Variants in KEL observed in about 807,000 individuals in gnomAD.
KEL encodes the protein kell blood group glycoprotein.
KEL carries 96 observed loss-of-function variants against 99.5 expected under a neutral mutation model. The observed-to-expected ratio is 0.97, with a 90% confidence interval of 0.82 to 1.14. KEL has a LOEUF of 1.14. Ranked by LOEUF, KEL falls within the 50% of genes most tolerant of loss-of-function variation. The probability of loss-of-function intolerance (pLI) is 0.00; values close to 1 mark genes in which losing one functional copy is unlikely to be tolerated. For synonymous variants in KEL, 355 were observed against 354.8 expected, an observed-to-expected ratio of 1.00 and a Z score of -0.01; for missense variants, 926 against 924.2, an observed-to-expected ratio of 1.00 and a Z score of -0.03.
chr7:142,961,033 G>C lies in KEL; in HGVS notation c.295C>G (p.Pro99Ala), dbSNP rs1163206769. The change falls in exon 4 of 19, where the codon CCC becomes GCC. Residue 99 changes from proline to alanine, a missense_variant. Physicochemically the swap from Pro to Ala is conservative, Grantham distance 27. Transcript: ENST00000355265. ...GCAAAGCTGAAGAAGTCGGTGCAGG[G>C]GGCCACACTTGTGTTCCCAGAGGCC... ...YLASGNTSVA[P>A]CTDFFSFACG... is the part of the protein sequence containing the mutation. 2 of 1,614,072 alleles carry C rather than the reference G, an allele frequency of 1.2e-6. No individual in the cohort carries two copies. The highest frequency in any genetic ancestry group is 2.7e-5 in the African/African-American group (2 of 74,930).
At chr7:142,950,470 C>T (rs147712799) in intron 10 of KEL, among the ~76,000 whole-genome samples, 112 of 152,316 alleles carry the variant, frequency 7.4e-4, no homozygotes, top group Non-Finnish European at 1.1e-3. Context: ...AGCCAGCCTG[C>T]CTCCTGCCCT....
chr7:142,944,717 G>T lies in KEL; in HGVS notation c.1339C>A (p.Arg447=), dbSNP rs142604829. 1 of 1,614,010 alleles carries T rather than the reference G, an allele frequency of 6.2e-7. No homozygotes were observed. Among genetic ancestry groups the T allele is most frequent in the South Asian group, 1.1e-5 (1 of 91,072 alleles). The stretch of plus-strand genomic sequence containing the variant: ...CTGAGGCGAGTGATGAGGGCATCCC[G>T]GATCGCAGTGAATAATTTCATGGCC... ...SAAMKLFTAI[R]DALITRLRNL... Residue 447 remains arginine, a synonymous_variant, in exon 12 of 19, where the codon CGG becomes AGG. Transcript: ENST00000355265.
chr7:142,944,764 C>T, intron 11 of KEL, 23 bp from the exon 12 acceptor site: 2 of 1,572,414 alleles, frequency 1.3e-6, no homozygotes, highest in South Asian at 2.2e-5. Flanking sequence ...GGTCCAGGGA[C>T]AGGGGGACAG....
intron 10 of KEL, among the ~76,000 whole-genome samples, chr7:142,947,416 G>A (rs989092009): frequency 1.3e-5 from 2 of 152,114 alleles, no homozygotes; most frequent in African/African-American, 2.4e-5. Flanking sequence ...AGACCAAAGA[G>A]GCCAGTCTGG....
Position 142,944,401 on chromosome 7 carries a change from C to A in KEL, c.1414-1G>T. On this transcript the variant is annotated splice_acceptor_variant, in intron 12 of 18. Coordinates refer to ENST00000355265, the MANE Select transcript of KEL (RefSeq NM_000420.3). LOFTEE classifies it high-confidence loss of function. Reference sequence around the variant, plus strand: ...CCATCTCCACCTGCAGTTGAGCAACCTGGAGAGAGACACAGAAGAGGCTAG... The same window carrying A: ...CCATCTCCACCTGCAGTTGAGCAACATGGAGAGAGACACAGAAGAGGCTAG... 6.2e-7 allele frequency: 1 copy of A among 1,611,974 alleles called. No homozygotes were observed. Among genetic ancestry groups the A allele is most frequent in the South Asian group, 1.1e-5 (1 of 91,032 alleles).
At position 142,953,703 on chromosome 7, in the gene KEL, G is replaced by A. The variant is rs994356248; in HGVS notation, c.1073+105C>T. The A allele has an allele frequency of 8.3e-6, 11 of 1,331,684 alleles. No individual in the cohort carries two copies. The African/African-American group carries it at 1.6e-4, about 19-fold the overall frequency. 82.5% of individuals were successfully genotyped at this position (1,331,684 alleles called of 1,614,324 possible). ...CAGGTTCCTCTTATCCTCCTGGGAG[G>A]CCCTTACCAGCCTGCCTTCCCCAAG... On this transcript the variant is annotated intron_variant, in intron 9 of 18. Coordinates refer to ENST00000355265, the MANE Select transcript of KEL (RefSeq NM_000420.3).
chr7:142,961,458 C>A lies in KEL; in HGVS notation c.125G>T (p.Trp42Leu), dbSNP rs1396956373. ...TGTCAGCACCCGCCTGGCCACTGCC[C>A]ATGGCCTGCTCCCTTCCACGGGCAG... ...ERLPVEGSRPWAVARRVLTAI... is the reference protein window; with the variant it reads ...ERLPVEGSRPLAVARRVLTAI... Residue 42 changes from tryptophan (W) to leucine (L), a missense_variant, in exon 3 of 19, where the codon TGG (tryptophan) becomes TTG (leucine). Trp to Leu is a moderately conservative substitution (Grantham distance 61). Coordinates refer to ENST00000355265, the MANE Select transcript of KEL (RefSeq NM_000420.3). The A allele has an allele frequency of 1.9e-6, 3 of 1,611,134 alleles. No homozygotes were observed. In the South Asian group the frequency reaches 3.3e-5, roughly 18 times the overall value.
intron 4 of KEL, 119 bp downstream of exon 4, chr7:142,960,809 C>T: frequency 9.4e-7 from 1 of 1,059,430 alleles, no homozygotes; most frequent in East Asian, 2.4e-5. Flanking sequence ...CCGTATAATC[C>T]CACCTGGGAT....
chr7:142,961,642 C>A, intron 2 of KEL, 141 bp from the exon 3 acceptor site: 1 of 1,310,756 alleles, frequency 7.6e-7, no homozygotes, highest in South Asian at 1.2e-5. Flanking sequence ...TAAACCCAGC[C>A]CTACTTTAAC....
At chr7:142,945,769 C>G (rs1796505856) in intron 11 of KEL, among the ~76,000 whole-genome samples, 2 of 152,098 alleles carry the variant, frequency 1.3e-5, no homozygotes, top group South Asian at 4.1e-4. Context: ...GCTGGGATTA[C>G]AGGCATGCAC....
At chr7:142,958,012 T>C (rs1349447982) in intron 5 of KEL, 39 bp from the exon 6 acceptor site, 1 of 1,604,644 alleles carries the variant, frequency 6.2e-7, no homozygotes. Context: ...TAAGGATCCG[T>C]GGAGCCCATC....
chr7:142,952,760 T>C lies in KEL; in HGVS notation c.1074-122A>G, dbSNP rs1387721193. On this transcript the variant is annotated intron_variant, in intron 9 of 18. Transcript: ENST00000355265. ...GGCAGCTCCTTCTCCTCTGTATTAA[T>C]AAGTGTTTTAACATGCACCCAAGTC... 1.9e-5 allele frequency: 22 copies of C among 1,158,892 alleles called. No individual in the cohort carries two copies. In the East Asian group the frequency reaches 4.0e-4, roughly 21 times the overall value. 71.8% of individuals were successfully genotyped at this position (1,158,892 alleles called of 1,614,324 possible).
intron 4 of KEL, 71 bp downstream of exon 4, chr7:142,960,857 G>T: frequency 7.0e-7 from 1 of 1,432,552 alleles, no homozygotes; most frequent in South Asian, 1.1e-5. Context: ...ACAGGGTTTG[G>T]AGCAGTCATG....
At chr7:142,949,973 G>A (rs1393436059) in intron 10 of KEL, among the ~76,000 whole-genome samples, 1 of 152,154 alleles carries the variant, frequency 6.6e-6, no homozygotes, top group East Asian at 1.9e-4. Context: ...CCAATAATGA[G>A]ATTTAGAAAT....
rs771517163 is a variant in KEL at position 142,943,557 on chromosome 7, C to T, written c.1632G>A (p.Ser544=). ...GAAAGACTACCACATGGTCAGATAC[C>T]GAATAGTAAGCATTGACGTCCCAAG... is the stretch of plus-strand genomic sequence containing the variant. ...VSPWDVNAYY[S]VSDHVVVFPA... Residue 544 remains serine (S), a synonymous_variant, in exon 15 of 19, where the codon TCG becomes TCA. Coordinates refer to ENST00000355265, the MANE Select transcript of KEL (RefSeq NM_000420.3). 108 of 1,613,978 alleles carry T rather than the reference C, an allele frequency of 6.7e-5. 1 individual carries two copies. The South Asian group carries it at 1.1e-3, about 16-fold the overall frequency.
intron 10 of KEL, among the ~76,000 whole-genome samples, chr7:142,951,858 G>T (rs1796694242): frequency 6.6e-6 from 1 of 152,092 alleles, no homozygotes; most frequent in East Asian, 1.9e-4. Flanking sequence ...CTGAGGTTGG[G>T]ATGTATCCAA....
At position 142,943,512 on chromosome 7, in the gene KEL, G is replaced by A. The variant is rs1427392777; in HGVS notation, c.1677C>T (p.Pro559=). The A allele has an allele frequency of 2.5e-6, 4 of 1,614,136 alleles. No individual in the cohort carries two copies. Among genetic ancestry groups the A allele is most frequent in the Non-Finnish European group, 3.4e-6 (4 of 1,179,968 alleles). Residue 559 remains proline (P), a synonymous_variant, in exon 15 of 19, where the codon CCC becomes CCT. Transcript: ENST00000355265. ...TGGGATAGCCAGGGTGGAAGAATGGGGGTTGGAGGAGTCCAGCTGGAAAGA... is the reference window on the plus strand; with the variant it reads ...TGGGATAGCCAGGGTGGAAGAATGGAGGTTGGAGGAGTCCAGCTGGAAAGA... ...VVVFPAGLLQ[P]PFFHPGYPRA...
At chr7:142,959,499 G>A (rs942003769) in intron 4 of KEL, among the ~76,000 whole-genome samples, 26 of 152,132 alleles carry the variant, frequency 1.7e-4, no homozygotes, top group African/African-American at 6.0e-4. Flanking sequence ...ATGGGCAAAG[G>A]AGAAAAGAGA....
intron 10 of KEL, among the ~76,000 whole-genome samples, chr7:142,948,069 G>A (rs1010398552): frequency 2.9e-5 from 3 of 103,390 alleles, no homozygotes; most frequent in Non-Finnish European, 6.6e-5. Context: ...GTGTAGATCT[G>A]CCTATTCTTC....
Sources: allele counts gnomAD v4.1 joint callset (sites outside exome capture counted in the v4.1 genomes callset), GRCh38; gene constraint gnomAD v4.1.1; transcripts MANE v1.5; gene names NCBI Gene and HGNC (gene_info 2026-07-23, HGNC 2026-07-21).